Variants in EYS observed in about 807,000 individuals in gnomAD.
EYS encodes the protein protein eyes shut homolog.
A neutral mutation model predicts 282.1 loss-of-function variants in EYS; 250 were observed. The observed-to-expected ratio is 0.89, with a 90% CI of 0.80 to 0.98. The LOEUF is 0.98. EYS is among the 50% of genes least tolerant of loss of function. The pLI is 0.00. For missense variants in EYS, 4,016 were observed against 3,709.0 expected (o/e 1.08, Z -2.15); for synonymous variants, 1,355 against 1,282.9 (o/e 1.06, Z -1.20).
intron 33 of EYS, among the ~76,000 whole-genome samples, chr6:63,999,433 T>C (rs1480352838): frequency 2.6e-5 from 4 of 152,214 alleles, no homozygotes; most frequent in Admixed American, 1.3e-4. Context: ...TTTCAGAAAG[T>C]TAAACCTCCC....
intron 2 of EYS, among the ~76,000 whole-genome samples, chr6:65,590,853 C>G (rs1004034556): frequency 2.6e-5 from 4 of 151,100 alleles, no homozygotes; most frequent in Non-Finnish European, 5.9e-5. Context: ...GGTAAATATA[C>G]CACTTTTTTT....
intron 26 of EYS, among the ~76,000 whole-genome samples, chr6:64,495,239 T>C (rs1431086165): frequency 2.6e-5 from 4 of 151,688 alleles, no homozygotes; most frequent in Admixed American, 2.0e-4. Flanking sequence ...ACATACATGT[T>C]GGTGGGAATG....
intron 29 of EYS, among the ~76,000 whole-genome samples, chr6:64,360,662 TTCTC>T (rs1257160853): frequency 1.3e-5 from 2 of 151,774 alleles, no homozygotes; most frequent in Non-Finnish European, 2.9e-5. Flanking sequence ...AAAAATTTGT[TTCTC>T]TCTTAATTTG....
intron 30 of EYS, among the ~76,000 whole-genome samples, chr6:64,241,451 C>T (rs370567977): frequency 1.3e-5 from 2 of 152,106 alleles, no homozygotes; most frequent in East Asian, 1.9e-4. Flanking sequence ...TGACTTCTTC[C>T]TAGTTTAGTC....
chr6:64,112,700 A>G (rs1248787972), intron 31 of EYS, among the ~76,000 whole-genome samples: 2 of 150,360 alleles, frequency 1.3e-5, no homozygotes, highest in African/African-American at 4.9e-5. Context: ...TTTATTTTCT[A>G]TGAATTAAAG....
chr6:64,176,663 A>G (rs1321616741), intron 31 of EYS, among the ~76,000 whole-genome samples: 2 of 152,064 alleles, frequency 1.3e-5, no homozygotes, highest in Non-Finnish European at 2.9e-5. Flanking sequence ...TGGAAAAAAA[A>G]CTTCTAAATT....
intron 31 of EYS, among the ~76,000 whole-genome samples, chr6:64,206,445 A>G (rs1269389689): frequency 6.6e-6 from 1 of 152,134 alleles, no homozygotes; most frequent in African/African-American, 2.4e-5. Context: ...TCTAATTTCA[A>G]CTCATTGTTA....
intron 31 of EYS, among the ~76,000 whole-genome samples, chr6:64,160,054 A>G (rs1222877414): frequency 6.6e-6 from 1 of 152,212 alleles, no homozygotes; most frequent in Non-Finnish European, 1.5e-5. Context: ...GTGAAATGGT[A>G]AAACCGAGTT....
At chr6:64,195,810 C>T (rs978898356) in intron 31 of EYS, among the ~76,000 whole-genome samples, 1 of 152,116 alleles carries the variant, frequency 6.6e-6, no homozygotes, top group Non-Finnish European at 1.5e-5. Context: ...TAATAAGGCA[C>T]ACCTACTTTA....
intron 29 of EYS, among the ~76,000 whole-genome samples, chr6:64,320,361 A>C (rs1460928114): frequency 6.6e-6 from 1 of 151,690 alleles, no homozygotes. Flanking sequence ...GGGTTGTTGA[A>C]TCTCTGCTCA....
Position 65,001,979 on chromosome 6 carries a change from G to A in EYS, c.2138-4276C>T, listed in dbSNP as rs1031155234. Among the ~76,000 whole-genome samples the A allele has an allele frequency of 6.8e-5, 10 of 146,152 alleles. 1 individual carries two copies. The highest frequency in any genetic ancestry group is 1.2e-4 in the African/African-American group (5 of 40,922). On this transcript the variant is annotated intron_variant, in intron 13 of 42. Transcript: ENST00000503581. ...TTTAATAGGTAGTATTGCATTATAA[G>A]TAACATTATAAATTGCATTTTCATA...
At chr6:63,894,954 G>A (rs922734264) in intron 35 of EYS, among the ~76,000 whole-genome samples, 1 of 151,942 alleles carries the variant, frequency 6.6e-6, no homozygotes, top group African/African-American at 2.4e-5. Context: ...AACTAATACA[G>A]CATCTGATGT....
intron 26 of EYS, among the ~76,000 whole-genome samples, chr6:64,483,749 A>G (rs972844095): frequency 2.6e-5 from 4 of 151,624 alleles, no homozygotes; most frequent in African/African-American, 9.7e-5. Context: ...TGTTAGCTTC[A>G]TTAATAATAA....
intron 31 of EYS, among the ~76,000 whole-genome samples, chr6:64,226,987 G>A (rs551322454): frequency 6.6e-6 from 1 of 152,064 alleles, no homozygotes; most frequent in South Asian, 2.1e-4. Context: ...TTCTTTCACA[G>A]GTTAAGAATA....
At chr6:65,672,595 T>C (rs1413067017) in intron 1 of EYS, among the ~76,000 whole-genome samples, 1 of 152,092 alleles carries the variant, frequency 6.6e-6, no homozygotes, top group Non-Finnish European at 1.5e-5. Flanking sequence ...AACCAACAGT[T>C]GGGCACATGA....
At chr6:64,166,216 AATG>A (rs1764285507) in intron 31 of EYS, among the ~76,000 whole-genome samples, 2 of 152,354 alleles carry the variant, frequency 1.3e-5, no homozygotes, top group East Asian at 1.9e-4. Context: ...AATGTTTAAT[AATG>A]ATAACACAGC....
chr6:64,017,294 G>A (rs576930573), intron 33 of EYS, among the ~76,000 whole-genome samples: 2 of 152,142 alleles, frequency 1.3e-5, no homozygotes, highest in East Asian at 3.9e-4. Context: ...GGCTGTGAGA[G>A]TGGATTTATT....
intron 31 of EYS, among the ~76,000 whole-genome samples, chr6:64,212,586 A>T (rs1289579039): frequency 6.6e-6 from 1 of 150,794 alleles, no homozygotes; most frequent in Non-Finnish European, 1.5e-5. Context: ...TTTTTTTAAC[A>T]CCTTTATTAT....
At chr6:64,806,415 T>C (rs1478425030) in intron 22 of EYS, among the ~76,000 whole-genome samples, 1 of 151,960 alleles carries the variant, frequency 6.6e-6, no homozygotes, top group Non-Finnish European at 1.5e-5. Context: ...ATGATACCAG[T>C]ATGGATTACT....
Sources: allele counts gnomAD v4.1 joint callset (sites outside exome capture counted in the v4.1 genomes callset), GRCh38; gene constraint gnomAD v4.1.1; transcripts MANE v1.5; gene names NCBI Gene and HGNC (gene_info 2026-07-23, HGNC 2026-07-21).